Variants in PDE8B observed in about 807,000 individuals in gnomAD.
PDE8B encodes high affinity cAMP-specific and IBMX-insensitive 3',5'-cyclic phosphodiesterase 8B.
Under a neutral mutation model 101.3 loss-of-function variants are expected in PDE8B, and 26 were observed. That is an observed-to-expected ratio of 0.26 (90% CI 0.19 to 0.36). The LOEUF is 0.36. Among genes scored for constraint, PDE8B ranks in the 10% least tolerant of loss-of-function variants. The pLI is 1.00. For synonymous variants in PDE8B, 424 were observed against 429.3 expected, an observed-to-expected ratio of 0.99 and a Z score of 0.15; for missense variants, 810 against 1,163.1, an observed-to-expected ratio of 0.70 and a Z score of 4.42.
At chr5:77,281,189 G>T (rs1764909436) in intron 1 of PDE8B, among the ~76,000 whole-genome samples, 1 of 152,166 alleles carries the variant, frequency 6.6e-6, no homozygotes, top group African/African-American at 2.4e-5. Flanking sequence ...TGTTTGCCTG[G>T]TGCTGGAGCT....
chr5:77,234,204 T>C (rs374788658), intron 1 of PDE8B, among the ~76,000 whole-genome samples: 29 of 152,308 alleles, frequency 1.9e-4, no homozygotes, highest in African/African-American at 6.7e-4. Flanking sequence ...CACCTCCTAA[T>C]GACGATGTGG....
intron 2 of PDE8B, among the ~76,000 whole-genome samples, chr5:77,318,251 T>A (rs1234713329): frequency 3.3e-5 from 5 of 152,172 alleles, no homozygotes; most frequent in African/African-American, 1.2e-4. Flanking sequence ...ACTCAGTAAC[T>A]TGCTGTGGTC....
the PDE8B span, among the ~76,000 whole-genome samples, chr5:77,172,376 A>G: frequency 3.3e-5 from 5 of 152,344 alleles, no homozygotes; most frequent in Non-Finnish European, 5.9e-5. Flanking sequence ...AGGATAAGTC[A>G]AAGTTGGGGT....
intron 20 of PDE8B, among the ~76,000 whole-genome samples, chr5:77,424,819 G>GT (rs912849753): frequency 0.011 from 1,260 of 110,016 alleles, 20 homozygotes; most frequent in East Asian, 0.074. Flanking sequence ...CTGTTTTTTT[G>GT]TTTTTTGTTT....
intron 1 of PDE8B, among the ~76,000 whole-genome samples, chr5:77,245,162 A>G (rs1561405900): frequency 6.6e-6 from 1 of 152,200 alleles, no homozygotes; most frequent in Non-Finnish European, 1.5e-5. Context: ...AAAGTAATGA[A>G]CTAGAACATT....
At chr5:77,255,246 A>T (rs1758863683) in intron 1 of PDE8B, among the ~76,000 whole-genome samples, 2 of 152,068 alleles carry the variant, frequency 1.3e-5, no homozygotes, top group Admixed American at 1.3e-4. Context: ...TTTTCTGGAA[A>T]GGTTTCTGCT....
chr5:77,247,492 C>T (rs1163076366), intron 1 of PDE8B, among the ~76,000 whole-genome samples: 3 of 152,184 alleles, frequency 2.0e-5, no homozygotes, highest in African/African-American at 2.4e-5. Flanking sequence ...GAGCAGGGGT[C>T]GAGCCATGCC....
chr5:77,173,869 C>G, the PDE8B span, among the ~76,000 whole-genome samples: 2 of 152,142 alleles, frequency 1.3e-5, no homozygotes, highest in African/African-American at 4.8e-5. Context: ...AACATTACTT[C>G]TGTTAGGGAA....
intron 1 of PDE8B, among the ~76,000 whole-genome samples, chr5:77,272,939 A>G (rs1431700067): frequency 2.0e-5 from 3 of 152,182 alleles, no homozygotes; most frequent in Non-Finnish European, 2.9e-5. Flanking sequence ...TGATGTTTTG[A>G]TATACCTATG....
intron 6 of PDE8B, among the ~76,000 whole-genome samples, chr5:77,340,865 C>T (rs960848005): frequency 6.6e-6 from 1 of 152,054 alleles, no homozygotes; most frequent in Non-Finnish European, 1.5e-5. Flanking sequence ...ATACCTGGAC[C>T]CCTGTAATAT....
At chr5:77,160,026 A>G in the PDE8B span, among the ~76,000 whole-genome samples, 51 of 152,328 alleles carry the variant, frequency 3.3e-4, no homozygotes, top group Admixed American at 8.5e-4. Flanking sequence ...GCATAAACCT[A>G]TGGATCTTTG....
At chr5:77,188,183 C>T in the PDE8B span, among the ~76,000 whole-genome samples, 4 of 152,060 alleles carry the variant, frequency 2.6e-5, no homozygotes, top group East Asian at 7.7e-4. Context: ...CACAAAAGAC[C>T]CTCTTAGTAA....
intron 4 of PDE8B, 121 bp from the exon 5 acceptor site, chr5:77,331,281 C>G: frequency 1.2e-6 from 1 of 862,720 alleles, no homozygotes. Flanking sequence ...TGGGCACGTG[C>G]TCGTCAGGAA....
chr5:77,088,953 T>A, the PDE8B span, among the ~76,000 whole-genome samples: 9 of 152,188 alleles, frequency 5.9e-5, no homozygotes, highest in South Asian at 8.3e-4. Flanking sequence ...CTGAATAATA[T>A]CCTTAAAAGA....
chr5:77,133,394 G>A, the PDE8B span, among the ~76,000 whole-genome samples: 2 of 152,232 alleles, frequency 1.3e-5, no homozygotes, highest in South Asian at 2.1e-4. Flanking sequence ...GACAATAAAC[G>A]ACTGTTATTT....
chr5:77,353,966 T>C (rs1367525415), intron 10 of PDE8B, among the ~76,000 whole-genome samples: 1 of 152,262 alleles, frequency 6.6e-6, no homozygotes, highest in Non-Finnish European at 1.5e-5. Context: ...GTACTTTTAC[T>C]ACTGGATTAT....
intron 1 of PDE8B, among the ~76,000 whole-genome samples, chr5:77,295,866 T>TGCATTCGTTCTCACATGGTGTC (rs1164941307): frequency 3.9e-5 from 6 of 152,240 alleles, no homozygotes; most frequent in Non-Finnish European, 7.3e-5. Context: ...TCCATGGTGT[T>TGCATTCGTTCTCACATGGTGTC]GCTTTCGTTC....
At chr5:77,420,661 C>G (rs1290137672) in intron 19 of PDE8B, among the ~76,000 whole-genome samples, 1 of 152,080 alleles carries the variant, frequency 6.6e-6, no homozygotes, top group African/African-American at 2.4e-5. Flanking sequence ...TCTACCTCAC[C>G]TATTTAAGCT....
intron 9 of PDE8B, 46 bp from the exon 10 acceptor site, chr5:77,353,300 A>C (rs1245998549): frequency 5.0e-6 from 5 of 1,004,126 alleles, no homozygotes; most frequent in Non-Finnish European, 8.0e-6. Context: ...TGATTTGTTG[A>C]ATCATCTCAT....
Sources: allele counts gnomAD v4.1 joint callset (sites outside exome capture counted in the v4.1 genomes callset), GRCh38; gene constraint gnomAD v4.1.1; transcripts MANE v1.5; gene names NCBI Gene and HGNC (gene_info 2026-07-23, HGNC 2026-07-21).